TRAPPC10: variants seen among roughly 807,000 people sequenced by gnomAD.
TRAPPC10 encodes the protein trafficking protein particle complex subunit 10.
Under a neutral mutation model 125.5 loss-of-function variants are expected in TRAPPC10, and 23 were observed. The observed-to-expected ratio is 0.18, with a 90% CI of 0.13 to 0.26. TRAPPC10 has a LOEUF of 0.26. TRAPPC10 is among the 10% of genes least tolerant of loss of function. TRAPPC10 has a pLI of 1.00. For synonymous variants in TRAPPC10, 509 were observed against 518.0 expected (o/e 0.98, Z 0.24); for missense variants, 1,123 against 1,308.4 (o/e 0.86, Z 2.19).
rs192991800 is a variant in TRAPPC10, at chr21:44,065,365, G to A, written c.1038+1580G>A. On this transcript the variant is annotated intron_variant, in intron 7 of 22. Transcript: ENST00000291574. ...ACAGGTATTTTCAAGGCTTTGTATC[G>A]TGTGAGGAGCCTCTTATCCGTGGTG... 3.9e-4 allele frequency among the ~76,000 whole-genome samples: 60 copies of A among 152,278 alleles called. No individual in the cohort carries two copies. In the East Asian group the frequency reaches 0.011, roughly 28 times the overall value.
At chr21:44,068,831 AG>A in intron 7 of TRAPPC10, among the ~76,000 whole-genome samples, 1 of 152,136 alleles carries the variant, frequency 6.6e-6, no homozygotes, top group South Asian at 2.1e-4. Flanking sequence ...TGAACTCCTG[AG>A]CGCAAGTGAT....
Position 44,083,206 on chromosome 21 carries a change from G to C in TRAPPC10, c.2142G>C (p.Met714Ile). 1 of 1,614,186 alleles carries C rather than the reference G, an allele frequency of 6.2e-7. No individual in the cohort carries two copies. The highest frequency in any genetic ancestry group is 8.5e-7 in the Non-Finnish European group (1 of 1,180,014). The change falls in exon 14 of 23, where the codon ATG (methionine) becomes ATC (isoleucine). Residue 714 changes from methionine to isoleucine, a missense_variant. Physicochemically the swap from Met to Ile is conservative, Grantham distance 10 (BLOSUM62 1). Transcript: ENST00000291574. ...RRQESSSSLE[M>I]PSGVALEEGA... ...AGGAGAGCAGCTCCTCTCTAGAGAT[G>C]CCCTCAGGGGTGGCTCTGGAGGAGG...
chr21:44,076,728 G>T (rs111315474), intron 10 of TRAPPC10, 100 bp downstream of exon 10: 40,327 of 979,756 alleles, frequency 0.041, 1,087 homozygotes, highest in Middle Eastern at 0.085. Flanking sequence ...GGTGTGGGGG[G>T]CCCCTTCTTG....
At chr21:44,095,718 G>C (rs114087583) in intron 20 of TRAPPC10, among the ~76,000 whole-genome samples, 2,007 of 151,544 alleles carry the variant, frequency 0.013, 50 homozygotes, top group African/African-American at 0.046. Context: ...CATGTGCTGT[G>C]CCACCACGCC....
intron 12 of TRAPPC10, 73 bp downstream of exon 12, chr21:44,079,777 T>A (rs2037549656): frequency 6.7e-7 from 1 of 1,494,136 alleles, no homozygotes; most frequent in South Asian, 1.2e-5. Flanking sequence ...ACAATCAATG[T>A]TTCATTCACA....
At chr21:44,069,010 A>G (rs1046776572) in intron 7 of TRAPPC10, among the ~76,000 whole-genome samples, 16 of 152,212 alleles carry the variant, frequency 1.1e-4, no homozygotes, top group Non-Finnish European at 2.1e-4. Flanking sequence ...CATAAACAAA[A>G]TTAATTCCAG....
At chr21:44,016,230 A>G (rs554801599) in intron 1 of TRAPPC10, among the ~76,000 whole-genome samples, 537 of 152,330 alleles carry the variant, frequency 3.5e-3, no homozygotes, top group Non-Finnish European at 6.4e-3. Context: ...ATTTTAGCGT[A>G]GATTTGTTTT....
chr21:44,060,826 C>G (rs1363762951), intron 6 of TRAPPC10, among the ~76,000 whole-genome samples: 1 of 151,750 alleles, frequency 6.6e-6, no homozygotes, highest in African/African-American at 2.4e-5. Context: ...GTCTCGAACT[C>G]CTGGCCCCAA....
intron 1 of TRAPPC10, among the ~76,000 whole-genome samples, chr21:44,029,033 G>T (rs1387014416): frequency 1.3e-5 from 2 of 152,214 alleles, no homozygotes; most frequent in South Asian, 4.1e-4. Context: ...TACCTACCGC[G>T]TGAGCCAAGA....
intron 3 of TRAPPC10, among the ~76,000 whole-genome samples, chr21:44,039,884 C>G (rs969216243): frequency 6.6e-6 from 1 of 152,052 alleles, no homozygotes; most frequent in African/African-American, 2.4e-5. Context: ...AAAGAAATCA[C>G]GAACTGATAC....
chr21:44,019,066 T>C (rs1044357046), intron 1 of TRAPPC10, among the ~76,000 whole-genome samples: 5 of 150,320 alleles, frequency 3.3e-5, no homozygotes, highest in African/African-American at 1.2e-4. Flanking sequence ...TACAGGGTCT[T>C]TTTTTTTTAA....
At chr21:44,093,940 A>G in intron 19 of TRAPPC10, 123 bp from the exon 20 acceptor site, 5 of 999,912 alleles carry the variant, frequency 5.0e-6, no homozygotes, top group Non-Finnish European at 7.4e-6. Flanking sequence ...GCGTGCTGTG[A>G]GGCGGGGCCT....
At chr21:44,014,352 G>GT (rs2031551831) in intron 1 of TRAPPC10, among the ~76,000 whole-genome samples, 2 of 150,858 alleles carry the variant, frequency 1.3e-5, no homozygotes. Context: ...TTGGTGGTGG[G>GT]TTTTTTCCTG....
At chr21:44,024,083 C>T (rs1252187662) in intron 1 of TRAPPC10, among the ~76,000 whole-genome samples, 3 of 152,184 alleles carry the variant, frequency 2.0e-5, no homozygotes, top group Non-Finnish European at 4.4e-5. Flanking sequence ...ACCGCACCAG[C>T]CTAGGAATTG....
At chr21:44,066,356 G>A (rs2036450683) in intron 7 of TRAPPC10, among the ~76,000 whole-genome samples, 2 of 152,294 alleles carry the variant, frequency 1.3e-5, no homozygotes, top group Admixed American at 6.5e-5. Context: ...TCTGCCCTGT[G>A]GGTGCTGCTT....
intron 1 of TRAPPC10, among the ~76,000 whole-genome samples, chr21:44,022,182 C>T (rs2032583544): frequency 2.0e-5 from 3 of 151,774 alleles, no homozygotes. Context: ...AATCTCAGCT[C>T]ACTGCAACCT....
In TRAPPC10 at chr21:44,087,801, A is replaced by C; in HGVS notation, c.2642A>C (p.Glu881Ala). The part of the protein sequence containing the change: ...PAYHVIEFEL[E>A]VLSLPSAPAL... ...TACCACGTGATCGAATTTGAACTGG[A>C]AGTTCTCTCTTTACCTTCAGCCCCA... The change falls in exon 17 of 23, where the codon GAA becomes GCA. Residue 881 changes from glutamate (E) to alanine (A), a missense_variant. By Grantham distance (107) the Glu-to-Ala change is moderately radical (BLOSUM62 -1). This residue lies in a region of TRAPPC10 where 840 missense variants were observed against 902.0 expected (regional missense o/e 0.93). Coordinates refer to ENST00000291574, the MANE Select transcript of TRAPPC10 (RefSeq NM_003274.5). The surrounding 1 kb of genome is among the most constrained non-coding windows in gnomAD (Gnocchi z 4.6). 2 of 1,614,230 alleles carry C rather than the reference A, an allele frequency of 1.2e-6. No individual in the cohort carries two copies. Among genetic ancestry groups the C allele is most frequent in the Non-Finnish European group, 1.7e-6 (2 of 1,180,040 alleles).
intron 1 of TRAPPC10, among the ~76,000 whole-genome samples, chr21:44,022,459 T>A (rs1353581499): frequency 5.3e-4 from 76 of 143,028 alleles, no homozygotes; most frequent in Non-Finnish European, 9.1e-4. Flanking sequence ...AATTTTTTTT[T>A]TTTTTTTTTT....
intron 4 of TRAPPC10, among the ~76,000 whole-genome samples, chr21:44,055,185 A>C (rs533802172): frequency 6.6e-6 from 1 of 152,232 alleles, no homozygotes; most frequent in African/African-American, 2.4e-5. Context: ...TTCTATAGCA[A>C]ACTCTCCTTT....
Sources: gnomAD v4.1 joint callset for allele counts (sites outside exome capture counted in the v4.1 genomes callset) on GRCh38, gnomAD v4.1.1 for gene constraint, gnomAD v4.1.1 regional missense constraint, Gnocchi (gnomAD v3.1) non-coding constraint, MANE v1.5 for transcripts, NCBI Gene and HGNC (gene_info 2026-07-23, HGNC 2026-07-21) for gene names.